The following THSD7B variants were observed in gnomAD, a reference collection of about 807,000 sequenced individuals.
THSD7B encodes the protein thrombospondin type-1 domain-containing protein 7B.
Under a neutral mutation model 213.6 loss-of-function variants are expected in THSD7B, and 138 were observed. That is an observed-to-expected ratio of 0.65 (90% CI 0.56 to 0.74). The LOEUF is 0.74. Ranked by LOEUF, THSD7B falls within the 30% of genes least tolerant of loss-of-function variation. The probability of loss-of-function intolerance (pLI) is 0.00; values close to 1 mark genes in which losing one functional copy is unlikely to be tolerated. For missense variants in THSD7B, 1,931 were observed against 1,991.5 expected (o/e 0.97, Z 0.58); for synonymous variants, 742 against 687.0 (o/e 1.08, Z -1.25).
At chr2:137,248,920 A>G (rs1682104477) in intron 10 of THSD7B, among the ~76,000 whole-genome samples, 1 of 152,208 alleles carries the variant, frequency 6.6e-6, no homozygotes, top group African/African-American at 2.4e-5. Context: ...TGTATAGCTC[A>G]CATCGATGTC....
At chr2:136,937,298 T>A (rs560002738) in intron 2 of THSD7B, among the ~76,000 whole-genome samples, 4 of 152,016 alleles carry the variant, frequency 2.6e-5, no homozygotes, top group African/African-American at 9.6e-5. Flanking sequence ...CATCACCTCC[T>A]TCCCTCACCT....
Position 137,369,633 on chromosome 2 carries a change from A to C in THSD7B, c.2501-35980A>C, listed in dbSNP as rs376588794. On this transcript the variant is annotated intron_variant, in intron 12 of 27. Transcript: ENST00000409968. ...AACCATTGCCTTTGCCTTTCCACGC[A>C]ACTCAGTAACGATTACTCTCTTTTG... is the stretch of plus-strand genomic sequence containing the variant. 1.6e-4 allele frequency among the ~76,000 whole-genome samples: 25 copies of C among 152,302 alleles called. No individual in the cohort carries two copies. In the East Asian group the frequency reaches 2.7e-3, roughly 16 times the overall value.
intron 2 of THSD7B, among the ~76,000 whole-genome samples, chr2:136,916,480 G>A (rs1392871662): frequency 1.3e-5 from 2 of 152,210 alleles, no homozygotes; most frequent in African/African-American, 2.4e-5. Flanking sequence ...TGTAACACAA[G>A]TGCAAGAGCC....
chr2:137,364,940 C>T (rs1031433364), intron 12 of THSD7B, among the ~76,000 whole-genome samples: 1 of 152,168 alleles, frequency 6.6e-6, no homozygotes, highest in African/African-American at 2.4e-5. Flanking sequence ...CAAGACAATC[C>T]TAAGCCAAAA....
intron 1 of THSD7B, among the ~76,000 whole-genome samples, chr2:136,798,750 C>T (rs1046445800): frequency 1.6e-4 from 24 of 151,986 alleles, no homozygotes; most frequent in Non-Finnish European, 3.5e-4. Context: ...TGTGACCTTT[C>T]TCTGTGGAAC....
intron 7 of THSD7B, among the ~76,000 whole-genome samples, chr2:137,194,289 A>AGG (rs1680717385): frequency 6.6e-6 from 1 of 152,160 alleles, no homozygotes; most frequent in Non-Finnish European, 1.5e-5. Flanking sequence ...AAGAAAGGGC[A>AGG]GGAGAACTTA....
chr2:137,673,026 A>ATTC (rs1055030872), intron 27 of THSD7B, among the ~76,000 whole-genome samples: 5 of 152,186 alleles, frequency 3.3e-5, no homozygotes, highest in African/African-American at 1.2e-4. Context: ...ATGCATTCTT[A>ATTC]TTCTTCCCAA....
chr2:137,387,754 C>T (rs1449297880), intron 12 of THSD7B, among the ~76,000 whole-genome samples: 2 of 152,210 alleles, frequency 1.3e-5, no homozygotes, highest in Admixed American at 6.5e-5. Flanking sequence ...AGATGTCTGA[C>T]AGATAAATTT....
intron 2 of THSD7B, among the ~76,000 whole-genome samples, chr2:136,918,086 G>A (rs1046484129): frequency 3.3e-5 from 5 of 152,104 alleles, no homozygotes; most frequent in Non-Finnish European, 5.9e-5. Flanking sequence ...TGTAAATACA[G>A]TTGGTTGTGG....
At chr2:137,223,874 T>C (rs554754561) in intron 7 of THSD7B, among the ~76,000 whole-genome samples, 1 of 152,190 alleles carries the variant, frequency 6.6e-6, no homozygotes, top group African/African-American at 2.4e-5. Context: ...TGTGATGTGG[T>C]TGTTTAAAAG....
intron 12 of THSD7B, among the ~76,000 whole-genome samples, chr2:137,374,772 C>T (rs1685614882): frequency 6.6e-6 from 1 of 152,148 alleles, no homozygotes; most frequent in African/African-American, 2.4e-5. Context: ...TGCTTGTGCC[C>T]ATAATGTGTT....
At chr2:137,520,446 A>G (rs1193839976) in intron 15 of THSD7B, among the ~76,000 whole-genome samples, 1 of 152,248 alleles carries the variant, frequency 6.6e-6, no homozygotes, top group East Asian at 1.9e-4. Flanking sequence ...TGCATTTAAC[A>G]GAAGAGAAAA....
chr2:137,396,679 T>A (rs1295496628), intron 12 of THSD7B, among the ~76,000 whole-genome samples: 1 of 138,472 alleles, frequency 7.2e-6, no homozygotes, highest in Admixed American at 7.1e-5. Flanking sequence ...GTCTATTAGG[T>A]CCGCTTGGTG....
At chr2:137,332,984 T>A (rs6757449) in intron 12 of THSD7B, among the ~76,000 whole-genome samples, 47,505 of 152,062 alleles carry the variant, frequency 0.31, 7,795 homozygotes, top group African/African-American at 0.38. Context: ...AAACAGACTT[T>A]CAGTGAGCAA....
In THSD7B at chr2:137,483,154, G is replaced by A. The variant is rs560267914; in HGVS notation, c.3138+32131G>A. On this transcript the variant is annotated intron_variant, in intron 15 of 27. Coordinates refer to ENST00000409968, the MANE Select transcript of THSD7B (RefSeq NM_001316349.2). ...TGCCATTTATTCTGGTGTTTTGGTG[G>A]CTCTCCCACTTGAGGGAATTATAGT... Among the ~76,000 whole-genome samples, 15 of 152,262 alleles carry A rather than the reference G, an allele frequency of 9.9e-5. No homozygotes were observed. The East Asian group carries it at 2.5e-3, about 26-fold the overall frequency.
At chr2:137,345,118 A>G (rs1195707279) in intron 12 of THSD7B, among the ~76,000 whole-genome samples, 2 of 151,740 alleles carry the variant, frequency 1.3e-5, no homozygotes, top group Non-Finnish European at 1.5e-5. Context: ...ATAAATTGAT[A>G]TATCAAATAA....
chr2:137,572,378 C>T (rs768251442), intron 16 of THSD7B, 28 bp from the exon 17 acceptor site: 1 of 1,612,390 alleles, frequency 6.2e-7, no homozygotes, highest in Non-Finnish European at 8.5e-7. Flanking sequence ...TTTAAATAAT[C>T]AAACTATCTT....
At chr2:137,652,820 GAAAC>G (rs1683165275) in intron 21 of THSD7B, among the ~76,000 whole-genome samples, 1 of 152,000 alleles carries the variant, frequency 6.6e-6, no homozygotes, top group Non-Finnish European at 1.5e-5. Flanking sequence ...GAAAATAATA[GAAAC>G]AAACAAAAAA....
intron 1 of THSD7B, among the ~76,000 whole-genome samples, chr2:136,869,534 C>G (rs1683396961): frequency 6.6e-6 from 1 of 152,150 alleles, no homozygotes; most frequent in Admixed American, 6.5e-5. Context: ...TGAAGCACAG[C>G]AGTATTAATT....
Sources: allele counts gnomAD v4.1 joint callset (sites outside exome capture counted in the v4.1 genomes callset), GRCh38; gene constraint gnomAD v4.1.1; transcripts MANE v1.5; gene names NCBI Gene and HGNC (gene_info 2026-07-23, HGNC 2026-07-21).